The following ZNF746 variants were observed in gnomAD, a reference collection of about 807,000 sequenced individuals.
ZNF746 encodes the protein parkin-interacting substrate.
Under a neutral mutation model 41.0 loss-of-function variants are expected in ZNF746, and 13 were observed. The observed-to-expected ratio is 0.32, with a 90% confidence interval of 0.21 to 0.50. The LOEUF (loss-of-function observed/expected upper bound fraction) is 0.50. Ranked by LOEUF, ZNF746 falls within the 20% of genes least tolerant of loss-of-function variation. ZNF746 has a pLI of 0.98. For missense variants in ZNF746, 811 were observed against 922.9 expected, an observed-to-expected ratio of 0.88 and a Z score of 1.57; for synonymous variants, 424 against 396.2, an observed-to-expected ratio of 1.07 and a Z score of -0.83.
At chr7:149,489,837 G>C (rs1800744124) in intron 4 of ZNF746, 1 of 152,658 alleles carries the variant, frequency 6.6e-6, no homozygotes, top group Non-Finnish European at 1.5e-5. Context: ...GGCCAAGTAA[G>C]AAGACAGACC....
rs1377016648 is a variant in ZNF746 at position 149,474,787 on chromosome 7, C to T, written c.1580G>A (p.Arg527Gln). ...GGSARDGSAL[R>Q]CGECGRCFTR... ...GAAGCAACGGCCGCACTCCCCACAC[C>T]GAAGGGCGCTGCCATCCCGTGCGCT... Residue 527 changes from arginine to glutamine, a missense_variant, in exon 7 of 7, where the codon CGG becomes CAG. Arg to Gln is a conservative substitution (Grantham distance 43). Transcript: ENST00000458143. The surrounding 1 kb of genome is among the most constrained non-coding windows in gnomAD (Gnocchi z 6.3). The T allele has an allele frequency of 1.9e-6, 3 of 1,543,960 alleles. No homozygotes were observed. Among genetic ancestry groups the T allele is most frequent in the Non-Finnish European group, 2.6e-6 (3 of 1,149,428 alleles).
Position 149,488,705 on chromosome 7 carries a change from C to T in ZNF746, c.565+4154G>A, listed in dbSNP as rs374651727. ...AATGTAATTATGGAAACTGGGCAGA[C>T]GTTAGGAAGCAAGTTCTAGGAGCAC... On this transcript the variant is annotated intron_variant, in intron 4 of 6. Coordinates refer to ENST00000458143, the MANE Select transcript of ZNF746 (RefSeq NM_001394198.1). 17 of 152,274 alleles carry T rather than the reference C, an allele frequency of 1.1e-4. No individual in the cohort carries two copies. The East Asian group carries it at 2.3e-3, about 21-fold the overall frequency. The allele number at this position is 152,274 out of a possible 1,614,324, so 9.4% of individuals were successfully genotyped here. A position where few individuals can be genotyped will look rare whatever the true frequency, so the allele number is the denominator to read the frequency against.
rs556239796 is a variant in ZNF746, at chr7:149,476,040, C to T, written c.884-557G>A. ...GTGAATAAGAATGTGTTTGGCCAGG[C>T]GCGGTGGCTCACGCCTATAATCCCA... is the stretch of plus-strand genomic sequence containing the variant. On this transcript the variant is annotated intron_variant, in intron 6 of 6. Transcript: ENST00000458143. 3.9e-5 allele frequency among the ~76,000 whole-genome samples: 6 copies of T among 152,274 alleles called. No homozygotes were observed. In the South Asian group the frequency reaches 6.2e-4, roughly 16 times the overall value.
intron 6 of ZNF746, among the ~76,000 whole-genome samples, chr7:149,476,344 GAATGTGTTTGATTTT>G (rs1476379771): frequency 2.7e-4 from 26 of 97,690 alleles, no homozygotes; most frequent in African/African-American, 1.1e-3. Flanking sequence ...AAAAAAAAAA[GAATGTGTTTGATTTT>G]ATATAAGCGT....
rs1477726117 is a variant in ZNF746, at chr7:149,497,396, C to T, written c.24+117G>A. ...CGCCCCATTCGCGGGAGCCCCAGGC[C>T]CGGTGGTCCGGCCCGGACCCCGGAA... On this transcript the variant is annotated intron_variant, in intron 1 of 6. Transcript: ENST00000458143. The surrounding 1 kb of genome is among the most constrained non-coding windows in gnomAD (Gnocchi z 4.2). 4.0e-6 allele frequency: 4 copies of T among 1,005,694 alleles called. No homozygotes were observed. The highest frequency in any genetic ancestry group is 4.8e-6 in the Non-Finnish European group (4 of 838,870). The allele number at this position is 1,005,694 out of a possible 1,614,324, so 62.3% of individuals were successfully genotyped here.
At chr7:149,482,559 G>T (rs1365205829) in intron 4 of ZNF746, among the ~76,000 whole-genome samples, 1 of 151,158 alleles carries the variant, frequency 6.6e-6, no homozygotes, top group Non-Finnish European at 1.5e-5. Flanking sequence ...CCACTTGCCA[G>T]GTTAAAGCAG....
rs1184655298 is a variant in ZNF746 at position 149,497,576 on chromosome 7, T to TCGC, written c.-43_-41dup. On this transcript the variant is annotated 5_prime_UTR_variant, in exon 1 of 7. Coordinates refer to ENST00000458143, the MANE Select transcript of ZNF746 (RefSeq NM_001394198.1). The surrounding 1 kb of genome is among the most constrained non-coding windows in gnomAD (Gnocchi z 4.2). The stretch of plus-strand genomic sequence containing the variant: ...CCGCCCGGCCCGGAGGAAGTCGTCG[T>TCGC]CGCCGCCGCCGCGCGCGGCACCACG... 6.9e-5 allele frequency: 72 copies of TCGC among 1,046,546 alleles called. No individual in the cohort carries two copies. The highest frequency in any genetic ancestry group is 8.2e-5 in the East Asian group (1 of 12,256). 64.8% of individuals were successfully genotyped at this position (1,046,546 alleles called of 1,614,324 possible).
Position 149,474,632 on chromosome 7 carries a change from C to G in ZNF746, c.1735G>C (p.Val579Leu), listed in dbSNP as rs750458704. Residue 579 changes from valine (V) to leucine (L), a missense_variant, in exon 7 of 7, where the codon GTG (valine) becomes CTG (leucine). Physicochemically the swap from Val to Leu is conservative, Grantham distance 32. Around this residue, in one of 4 missense-constraint regions of ZNF746, gnomAD observed 70 missense variants for 127.6 expected, o/e 0.55. Coordinates refer to ENST00000458143, the MANE Select transcript of ZNF746 (RefSeq NM_001394198.1). The surrounding 1 kb of genome is among the most constrained non-coding windows in gnomAD (Gnocchi z 6.3). ...CAGACGGTGCAGGTGAAGGGCCGCA[C>G]GCCCGTGTGCGTTCGGTAGTGGTCG... is the stretch of plus-strand genomic sequence containing the variant. ...LIDHYRTHTG[V>L]RPFTCTVCGK... 1.2e-6 allele frequency: 2 copies of G among 1,613,608 alleles called. No homozygotes were observed. The highest frequency in any genetic ancestry group is 1.1e-5 in the South Asian group (1 of 91,028).
intron 4 of ZNF746, chr7:149,487,692 TAATA>T (rs1221511831): frequency 6.6e-5 from 10 of 152,206 alleles, no homozygotes; most frequent in Non-Finnish European, 1.5e-4. Context: ...CTAATACATC[TAATA>T]AACTGTAAAA....
Position 149,490,271 on chromosome 7 carries a change from CCA to C in ZNF746, c.565+2586_565+2587del, listed in dbSNP as rs1345818094. Reference sequence around the variant, plus strand: ...CAGATGAGCTAGGTTTGGCCCTCAGCCACAGTTTGCTGGCCCCTGGGCTAAGG... The same window carrying C: ...CAGATGAGCTAGGTTTGGCCCTCAGCCAGTTTGCTGGCCCCTGGGCTAAGG... On this transcript the variant is annotated intron_variant, in intron 4 of 6. Coordinates refer to ENST00000458143, the MANE Select transcript of ZNF746 (RefSeq NM_001394198.1). 7 of 152,360 alleles carry C rather than the reference CCA, an allele frequency of 4.6e-5. No individual in the cohort carries two copies. The East Asian group carries it at 9.6e-4, about 21-fold the overall frequency. 9.4% of individuals were successfully genotyped at this position (152,360 alleles called of 1,614,324 possible). A position where few individuals can be genotyped will look rare whatever the true frequency, so the allele number is the denominator to read the frequency against.
In ZNF746 at chr7:149,475,368, T is replaced by G; in HGVS notation, c.999A>C (p.Thr333=). 1 of 1,614,138 alleles carries G rather than the reference T, an allele frequency of 6.2e-7. No homozygotes were observed. The highest frequency in any genetic ancestry group is 8.5e-7 in the Non-Finnish European group (1 of 1,180,006). Residue 333 remains threonine (T), a synonymous_variant, in exon 7 of 7, where the codon ACA becomes ACC. Coordinates refer to ENST00000458143, the MANE Select transcript of ZNF746 (RefSeq NM_001394198.1). ...CCTGGGCAGGACTAGGGAAGAACCG[T>G]GTGGCTTGGCCTGGTCCAAACAGGG... ...HGTLFGPGQA[T]RFFPSPAQEG... is the part of the protein sequence containing the mutation.
At chr7:149,476,313 CAAAAAAAAAAAAAAAAAA>C (rs55888950) in intron 6 of ZNF746, among the ~76,000 whole-genome samples, 2 of 63,328 alleles carry the variant, frequency 3.2e-5, no homozygotes, top group Admixed American at 1.9e-4. Context: ...GACTCCGCCT[CAAAAAAAAAAAAAAAAAA>C]AAAAAAAAAA....
intron 1 of ZNF746, among the ~76,000 whole-genome samples, chr7:149,496,676 T>C (rs1801006909): frequency 6.6e-6 from 1 of 152,080 alleles, no homozygotes. Context: ...TAGCCTTCCC[T>C]AAAAGCCCGG....
chr7:149,481,847 T>C (rs1235307445), intron 4 of ZNF746, among the ~76,000 whole-genome samples: 1 of 152,122 alleles, frequency 6.6e-6, no homozygotes, highest in African/African-American at 2.4e-5. Context: ...CAATTTAAGA[T>C]GGTAAAAAGA....
chr7:149,475,906 A>C (rs974891256), intron 6 of ZNF746, among the ~76,000 whole-genome samples: 3 of 152,236 alleles, frequency 2.0e-5, no homozygotes, highest in Non-Finnish European at 4.4e-5. Context: ...TGCCCACTTC[A>C]CAGGTGTGAG....
rs142453555 is a variant in ZNF746 at position 149,494,375 on chromosome 7, C to A, written c.153G>T (p.Lys51Asn). The A allele has an allele frequency of 4.2e-5, 67 of 1,614,038 alleles. No homozygotes were observed. In the African/African-American group the frequency reaches 7.7e-4, roughly 19 times the overall value. The change falls in exon 2 of 7, where the codon AAG becomes AAT. Residue 51 changes from lysine (K) to asparagine (N), a missense_variant. Physicochemically the swap from Lys to Asn is moderately conservative, Grantham distance 94 (BLOSUM62 0). Around this residue, in one of 4 missense-constraint regions of ZNF746, gnomAD observed 147 missense variants for 233.4 expected, o/e 0.63. Transcript: ENST00000458143. This position sits in a 1 kb window ranked among gnomAD's most constrained non-coding sequence, Gnocchi z 5.6. ...MAEKKLADCE[K>N]TAVEFGNQLE... Reference sequence around the variant, plus strand: ...GCTGGTTCCCGAACTCCACGGCTGTCTTCTCGCAATCAGCCAGCTTCTTCT... The same window carrying A: ...GCTGGTTCCCGAACTCCACGGCTGTATTCTCGCAATCAGCCAGCTTCTTCT...
intron 4 of ZNF746, chr7:149,487,730 C>G (rs942082931): frequency 6.6e-6 from 1 of 152,066 alleles, no homozygotes; most frequent in African/African-American, 2.4e-5. Context: ...TGAAAAACAA[C>G]TATCAGAAGA....
At position 149,492,958 on chromosome 7, in the gene ZNF746, T is replaced by C; in HGVS notation, c.466A>G (p.Lys156Glu). The change falls in exon 4 of 7, where the codon AAG becomes GAG. Residue 156 changes from lysine to glutamate, a missense_variant. By Grantham distance (56) the Lys-to-Glu change is moderately conservative. Around this residue, in one of 4 missense-constraint regions of ZNF746, gnomAD observed 147 missense variants for 233.4 expected, o/e 0.63. Transcript: ENST00000458143. The stretch of plus-strand genomic sequence containing the variant: ...TCAATCTGGGAGAGGACCTCGGGCT[T>C]GGAGATGGCGTAGTCTGAGGAAAGA... Reference protein sequence around the residue: ...TLVSLDYAISKPEVLSQIEQG... With the variant: ...TLVSLDYAISEPEVLSQIEQG... The C allele has an allele frequency of 6.2e-7, 1 of 1,613,626 alleles. No individual in the cohort carries two copies. Among genetic ancestry groups the C allele is most frequent in the Non-Finnish European group, 8.5e-7 (1 of 1,179,620 alleles).
At chr7:149,477,795 C>A in intron 4 of ZNF746, 40 bp from the exon 5 acceptor site, 1 of 1,532,212 alleles carries the variant, frequency 6.5e-7, no homozygotes, top group Admixed American at 1.9e-5. Context: ...GCATCACGGC[C>A]CCTCAGCCCT....
Sources: allele counts gnomAD v4.1 joint callset (sites outside exome capture counted in the v4.1 genomes callset), GRCh38; gene constraint gnomAD v4.1.1; regional missense constraint gnomAD v4.1.1; non-coding constraint Gnocchi (gnomAD v3.1); transcripts MANE v1.5; gene names NCBI Gene and HGNC (gene_info 2026-07-23, HGNC 2026-07-21).